Variants in FSTL4 observed in about 807,000 individuals in gnomAD.
FSTL4 encodes the protein follistatin like 4, also known as follistatin-related protein 4.
In FSTL4, 28 loss-of-function variants were observed where a neutral mutation model predicts 78.2. The observed-to-expected ratio is 0.36, with a 90% confidence interval of 0.27 to 0.49. FSTL4 has a LOEUF of 0.49. Among genes scored for constraint, FSTL4 ranks in the 20% least tolerant of loss-of-function variants. The pLI is 0.98. For missense variants in FSTL4, 922 were observed against 1,084.9 expected (o/e 0.85, Z 2.11); for synonymous variants, 422 against 440.5 (o/e 0.96, Z 0.53).
At chr5:133,798,362 G>A in the FSTL4 span, among the ~76,000 whole-genome samples, 4 of 152,162 alleles carry the variant, frequency 2.6e-5, no homozygotes, top group Non-Finnish European at 5.9e-5. Context: ...AGGGATGAAG[G>A]GAGCTGTGAT....
intron 4 of FSTL4, among the ~76,000 whole-genome samples, chr5:133,317,389 A>G (rs1376792650): frequency 6.6e-6 from 1 of 152,190 alleles, no homozygotes; most frequent in Non-Finnish European, 1.5e-5. Flanking sequence ...CAACGCCCAT[A>G]CACTGGGATT....
intron 13 of FSTL4, among the ~76,000 whole-genome samples, chr5:133,213,211 C>T (rs777113222): frequency 9.9e-5 from 15 of 152,180 alleles, no homozygotes; most frequent in Non-Finnish European, 1.9e-4. Context: ...CCATGTTGGT[C>T]AGACTGGTCT....
the FSTL4 span, among the ~76,000 whole-genome samples, chr5:133,703,341 A>G: frequency 2.0e-5 from 3 of 152,186 alleles, no homozygotes; most frequent in East Asian, 3.9e-4. Flanking sequence ...ATAGCCATCA[A>G]CTTTGAAGGG....
At chr5:133,324,856 G>A (rs12515029) in intron 4 of FSTL4, among the ~76,000 whole-genome samples, 91,491 of 152,154 alleles carry the variant, frequency 0.6, 28,115 homozygotes, top group Non-Finnish European at 0.66. Flanking sequence ...CATCATGTCA[G>A]TTCCTTGGGG....
intron 6 of FSTL4, among the ~76,000 whole-genome samples, chr5:133,304,556 A>G (rs943404453): frequency 1.3e-5 from 2 of 152,214 alleles, no homozygotes; most frequent in African/African-American, 4.8e-5. Context: ...ACCTGTAATT[A>G]GTTCATTTTC....
chr5:133,246,314 G>C (rs1752037632), intron 7 of FSTL4, among the ~76,000 whole-genome samples: 1 of 152,214 alleles, frequency 6.6e-6, no homozygotes, highest in African/African-American at 2.4e-5. Flanking sequence ...CTCCTGGGCT[G>C]TTCTCCCCTA....
At chr5:133,209,550 G>A (rs902523304) in intron 14 of FSTL4, among the ~76,000 whole-genome samples, 1 of 152,152 alleles carries the variant, frequency 6.6e-6, no homozygotes, top group Non-Finnish European at 1.5e-5. Flanking sequence ...TCCTCTTATG[G>A]ATCCCTGATG....
At chr5:133,341,478 A>T (rs4958118) in intron 4 of FSTL4, among the ~76,000 whole-genome samples, 1 of 151,700 alleles carries the variant, frequency 6.6e-6, no homozygotes, top group Non-Finnish European at 1.5e-5. Flanking sequence ...AGGAATTCCC[A>T]CCAAGCCCCT....
At chr5:133,520,324 C>T (rs1269015539) in intron 3 of FSTL4, among the ~76,000 whole-genome samples, 1 of 151,762 alleles carries the variant, frequency 6.6e-6, no homozygotes, top group Non-Finnish European at 1.5e-5. Context: ...CTCTTCTCTT[C>T]ATCTCGAGAA....
At chr5:133,616,528 A>G (rs558016677), upstream of FSTL4, among the ~76,000 whole-genome samples, 18 of 152,050 alleles carry the variant, frequency 1.2e-4, no homozygotes, top group African/African-American at 4.3e-4. Flanking sequence ...TTAGCCTCCC[A>G]ATAGCTGGGA....
intron 8 of FSTL4, among the ~76,000 whole-genome samples, chr5:133,230,136 G>A (rs1364261576): frequency 6.6e-6 from 1 of 152,186 alleles, no homozygotes; most frequent in Non-Finnish European, 1.5e-5. Flanking sequence ...CCTCAGTGAG[G>A]TGGCCAGCAC....
At chr5:133,283,653 A>G (rs1166893039) in intron 6 of FSTL4, among the ~76,000 whole-genome samples, 1 of 152,182 alleles carries the variant, frequency 6.6e-6, no homozygotes, top group African/African-American at 2.4e-5. Context: ...CATAAGGTGC[A>G]TTTGCCAGGG....
chr5:133,440,073 G>T lies in FSTL4; in HGVS notation c.161-39087C>A, dbSNP rs1757119956. On this transcript the variant is annotated intron_variant, in intron 3 of 15. Coordinates refer to ENST00000265342, the MANE Select transcript of FSTL4 (RefSeq NM_015082.2). The surrounding 1 kb of genome is among the most constrained non-coding windows in gnomAD (Gnocchi z 4.1). ...GGGGACATGCTGGGGTCGGGAGGAA[G>T]GAAAGGAAGAGTCACCCTGGAGCAC... is the stretch of plus-strand genomic sequence containing the variant. Among the ~76,000 whole-genome samples the T allele has an allele frequency of 6.6e-6, 1 of 152,146 alleles. No individual in the cohort carries two copies. The highest frequency in any genetic ancestry group is 1.5e-5 in the Non-Finnish European group (1 of 68,004).
At chr5:133,392,938 T>G (rs1755887807) in intron 4 of FSTL4, among the ~76,000 whole-genome samples, 1 of 152,238 alleles carries the variant, frequency 6.6e-6, no homozygotes, top group South Asian at 2.1e-4. Context: ...AGCAGTTCTG[T>G]GGAGCACACC....
chr5:133,637,656 C>A, the FSTL4 span, among the ~76,000 whole-genome samples: 1 of 152,026 alleles, frequency 6.6e-6, no homozygotes, highest in Admixed American at 6.6e-5. Context: ...TCTCTTCCAT[C>A]TAAAAGTTGG....
intron 6 of FSTL4, among the ~76,000 whole-genome samples, chr5:133,270,837 T>C (rs906249927): frequency 3.9e-5 from 6 of 152,138 alleles, no homozygotes; most frequent in African/African-American, 1.4e-4. Flanking sequence ...ACTACTCCAA[T>C]TGCTGGGTCT....
intron 3 of FSTL4, among the ~76,000 whole-genome samples, chr5:133,541,732 T>TTTGAGCGCTGC (rs1759477101): frequency 6.6e-6 from 1 of 151,626 alleles, no homozygotes; most frequent in African/African-American, 2.4e-5. Flanking sequence ...CCCCATGATG[T>TTTGAGCGCTGC]TTTGAGCGCT....
At chr5:133,244,933 A>G (rs1212621419) in intron 7 of FSTL4, 1 of 152,370 alleles carries the variant, frequency 6.6e-6, no homozygotes, top group Non-Finnish European at 1.5e-5. Flanking sequence ...CAGCCTGGGC[A>G]ACATAGCAAC....
chr5:133,568,888 C>G (rs575856168), intron 2 of FSTL4, among the ~76,000 whole-genome samples: 1 of 152,280 alleles, frequency 6.6e-6, no homozygotes, highest in South Asian at 2.1e-4. Context: ...AAGCTGACAT[C>G]TATATAATGT....
Sources: allele counts gnomAD v4.1 joint callset (sites outside exome capture counted in the v4.1 genomes callset), GRCh38; gene constraint gnomAD v4.1.1; non-coding constraint Gnocchi (gnomAD v3.1); transcripts MANE v1.5; gene names NCBI Gene and HGNC (gene_info 2026-07-23, HGNC 2026-07-21).